Variants in PDE1C observed in about 807,000 individuals in gnomAD.
The protein encoded by PDE1C is dual specificity calcium/calmodulin-dependent 3',5'-cyclic nucleotide phosphodiesterase 1C.
PDE1C carries 62 observed loss-of-function variants against 93.1 expected under a neutral mutation model. The ratio of observed to expected loss-of-function variants is 0.67; its 90% CI spans 0.54 to 0.82. The LOEUF (loss-of-function observed/expected upper bound fraction) is 0.82, where lower values mean the gene tolerates loss of function less well. PDE1C is among the 40% of genes least tolerant of loss of function. The pLI, the probability that PDE1C is intolerant of heterozygous loss-of-function variation, is 0.00. For synonymous variants in PDE1C, 325 were observed against 310.1 expected (o/e 1.05, Z -0.50); for missense variants, 742 against 884.6 (o/e 0.84, Z 2.04).
intron 2 of PDE1C, among the ~76,000 whole-genome samples, chr7:32,016,700 A>G (rs1369635966): frequency 6.6e-6 from 1 of 152,208 alleles, no homozygotes; most frequent in African/African-American, 2.4e-5. Flanking sequence ...CTTTAGATAT[A>G]GAAGGAAGGA....
intron 1 of PDE1C, among the ~76,000 whole-genome samples, chr7:32,420,092 C>CATAT (rs371570161): frequency 0.017 from 270 of 16,336 alleles, 27 homozygotes; most frequent in Non-Finnish European, 0.016. Context: ...GGTGTGGTGG[C>CATAT]ATATATATAT....
At chr7:31,872,434 C>A (rs899398689) in intron 6 of PDE1C, among the ~76,000 whole-genome samples, 2 of 151,892 alleles carry the variant, frequency 1.3e-5, no homozygotes, top group African/African-American at 4.8e-5. Context: ...TAATGGACAC[C>A]CCAAAAACCC....
At chr7:31,648,727 G>T in the PDE1C span, among the ~76,000 whole-genome samples, 1 of 152,156 alleles carries the variant, frequency 6.6e-6, no homozygotes. Context: ...GAACCAGTTG[G>T]GAAGTCTTGG....
intron 1 of PDE1C, among the ~76,000 whole-genome samples, chr7:32,259,578 T>C (rs937161198): frequency 3.3e-5 from 5 of 152,200 alleles, no homozygotes; most frequent in Admixed American, 2.6e-4. Context: ...AATCCAGTTC[T>C]GGCTTAAAAT....
the PDE1C span, among the ~76,000 whole-genome samples, chr7:31,686,011 A>G: frequency 6.6e-6 from 1 of 152,286 alleles, no homozygotes; most frequent in East Asian, 1.9e-4. Flanking sequence ...AGTGGGAGGG[A>G]GGCACCAACA....
At chr7:31,688,110 G>A in the PDE1C span, among the ~76,000 whole-genome samples, 1 of 152,158 alleles carries the variant, frequency 6.6e-6, no homozygotes, top group Non-Finnish European at 1.5e-5. Context: ...AAAGATCCAA[G>A]AAGGTCCCTC....
chr7:32,004,880 A>G (rs993530094), intron 2 of PDE1C, among the ~76,000 whole-genome samples: 1 of 152,258 alleles, frequency 6.6e-6, no homozygotes, highest in Non-Finnish European at 1.5e-5. Flanking sequence ...ACTTTTTAAC[A>G]TATTTGAAGA....
intron 3 of PDE1C, among the ~76,000 whole-genome samples, chr7:32,103,688 T>G (rs1798148231): frequency 6.6e-6 from 1 of 152,084 alleles, no homozygotes; most frequent in Non-Finnish European, 1.5e-5. Context: ...CGGACAATGA[T>G]TGTCATGCAT....
intron 2 of PDE1C, among the ~76,000 whole-genome samples, chr7:31,972,650 A>C (rs901963375): frequency 6.6e-6 from 1 of 152,134 alleles, no homozygotes; most frequent in Admixed American, 6.5e-5. Context: ...AACACAACAA[A>C]CAATCATAAG....
At chr7:32,249,848 A>T (rs1809233981) in intron 1 of PDE1C, among the ~76,000 whole-genome samples, 1 of 152,204 alleles carries the variant, frequency 6.6e-6, no homozygotes, top group African/African-American at 2.4e-5. Flanking sequence ...CAAAAATCAC[A>T]TGTGCTCAAG....
At chr7:31,932,881 A>G (rs1804513856) in intron 2 of PDE1C, among the ~76,000 whole-genome samples, 1 of 152,228 alleles carries the variant, frequency 6.6e-6, no homozygotes, top group Admixed American at 6.5e-5. Context: ...AATACTATGC[A>G]GCCATAAAGA....
chr7:32,298,668 C>T, exon 1 of PDE1C: 1 of 1,607,330 alleles, frequency 6.2e-7, no homozygotes, highest in Non-Finnish European at 8.5e-7. Flanking sequence ...GAAGCTGTAG[C>T]CATCGATGCT....
chr7:32,143,347 T>G (rs1036883214), intron 3 of PDE1C, among the ~76,000 whole-genome samples: 1 of 150,166 alleles, frequency 6.7e-6, no homozygotes. Flanking sequence ...TGAAAAGACT[T>G]CTGCAGTATT....
At chr7:32,133,834 T>C (rs1248919251) in intron 3 of PDE1C, among the ~76,000 whole-genome samples, 1 of 151,692 alleles carries the variant, frequency 6.6e-6, no homozygotes, top group African/African-American at 2.4e-5. Context: ...AATTACCAGA[T>C]AAAAAGTTGA....
At chr7:31,682,302 A>C in the PDE1C span, among the ~76,000 whole-genome samples, 2 of 152,226 alleles carry the variant, frequency 1.3e-5, no homozygotes, top group South Asian at 2.1e-4. Context: ...AATATTATAG[A>C]AAATGGGCAA....
intron 3 of PDE1C, among the ~76,000 whole-genome samples, chr7:32,105,536 A>G (rs1474770629): frequency 6.6e-6 from 1 of 152,132 alleles, no homozygotes; most frequent in Non-Finnish European, 1.5e-5. Context: ...AAAGTAGAAC[A>G]TCTCTGGAGG....
chr7:32,265,483 A>C (rs1328715999), intron 1 of PDE1C, among the ~76,000 whole-genome samples: 1 of 152,218 alleles, frequency 6.6e-6, no homozygotes, highest in East Asian at 1.9e-4. Context: ...GGACGCCACT[A>C]TATAGACAGG....
intron 1 of PDE1C, among the ~76,000 whole-genome samples, chr7:32,394,207 T>C (rs1784802047): frequency 6.6e-6 from 1 of 152,254 alleles, no homozygotes; most frequent in Non-Finnish European, 1.5e-5. Context: ...ATTAAATGTT[T>C]CTTCAAACAA....
intron 16 of PDE1C, among the ~76,000 whole-genome samples, chr7:31,801,428 T>C (rs991152699): frequency 1.2e-4 from 18 of 151,476 alleles, no homozygotes; most frequent in African/African-American, 4.4e-4. Context: ...TCCCAGAATA[T>C]AGTCTATCTT....
Sources: allele counts gnomAD v4.1 joint callset (sites outside exome capture counted in the v4.1 genomes callset), GRCh38; gene constraint gnomAD v4.1.1; transcripts MANE v1.5; gene names NCBI Gene and HGNC (gene_info 2026-07-23, HGNC 2026-07-21).